Variants in IPO11 observed in about 807,000 individuals in gnomAD.
IPO11 encodes the protein importin-11.
Under a neutral mutation model 143.2 loss-of-function variants are expected in IPO11, and 66 were observed. That is an observed-to-expected ratio of 0.46 (90% CI 0.38 to 0.57). The LOEUF is 0.57. Among genes scored for constraint, IPO11 ranks in the 20% least tolerant of loss-of-function variants. The probability of loss-of-function intolerance (pLI) is 0.00; values close to 1 mark genes in which losing one functional copy is unlikely to be tolerated. For synonymous variants in IPO11, 385 were observed against 377.8 expected, an observed-to-expected ratio of 1.02 and a Z score of -0.22; for missense variants, 1,026 against 1,141.0, an observed-to-expected ratio of 0.90 and a Z score of 1.45.
intron 13 of IPO11, 73 bp downstream of exon 13, chr5:62,487,934 CA>C (rs1036382513): frequency 1.0e-5 from 13 of 1,248,570 alleles, no homozygotes; most frequent in Non-Finnish European, 1.5e-5. Flanking sequence ...TGAGTGCCTA[CA>C]ATGCATACTG....
chr5:62,538,654 T>C (rs574543194), intron 24 of IPO11, among the ~76,000 whole-genome samples: 20 of 152,346 alleles, frequency 1.3e-4, no homozygotes, highest in Non-Finnish European at 2.5e-4. Context: ...TAAACCTCTT[T>C]CCTTTATAAA....
At chr5:62,546,654 TTAAAC>T (rs1232262489) in intron 24 of IPO11, among the ~76,000 whole-genome samples, 12 of 152,214 alleles carry the variant, frequency 7.9e-5, no homozygotes, top group African/African-American at 2.2e-4. Flanking sequence ...GGGAATGGGT[TTAAAC>T]TAAAGTGCAA....
intron 29 of IPO11, among the ~76,000 whole-genome samples, chr5:62,603,501 G>C (rs895946370): frequency 1.3e-5 from 2 of 152,198 alleles, no homozygotes; most frequent in Admixed American, 1.3e-4. Flanking sequence ...CACTTATTCT[G>C]CTTTACGGTA....
At chr5:62,413,185 C>T (rs939742501) in intron 1 of IPO11, among the ~76,000 whole-genome samples, 1 of 152,156 alleles carries the variant, frequency 6.6e-6, no homozygotes, top group African/African-American at 2.4e-5. Context: ...GGACCGTATG[C>T]TAGGCTGAGC....
chr5:62,428,972 G>A (rs1189102803), intron 1 of IPO11, among the ~76,000 whole-genome samples: 1 of 152,094 alleles, frequency 6.6e-6, no homozygotes, highest in African/African-American at 2.4e-5. Context: ...GCCATCTCTT[G>A]TGGATTTTGA....
At chr5:62,558,586 A>G (rs1311575298) in intron 26 of IPO11, among the ~76,000 whole-genome samples, 2 of 152,242 alleles carry the variant, frequency 1.3e-5, no homozygotes, top group Non-Finnish European at 2.9e-5. Context: ...TGGCAAAAGT[A>G]AAGAATTTTT....
intron 2 of IPO11, 36 bp from the exon 3 acceptor site, chr5:62,442,947 C>T: frequency 1.7e-6 from 2 of 1,167,126 alleles, no homozygotes; most frequent in South Asian, 2.7e-5. Context: ...TTTACTTATT[C>T]CATGCTAATT....
At chr5:62,473,195 G>T (rs1460353398) in intron 7 of IPO11, among the ~76,000 whole-genome samples, 1 of 152,020 alleles carries the variant, frequency 6.6e-6, no homozygotes, top group Non-Finnish European at 1.5e-5. Context: ...TTTTTAAATT[G>T]TGTTGCCAAT....
chr5:62,478,177 A>G (rs1259363606), intron 9 of IPO11, among the ~76,000 whole-genome samples: 1 of 151,634 alleles, frequency 6.6e-6, no homozygotes, highest in Non-Finnish European at 1.5e-5. Flanking sequence ...GTGTGTGTGT[A>G]TTTTCTGAGA....
intron 1 of IPO11, among the ~76,000 whole-genome samples, chr5:62,423,357 G>C (rs936478940): frequency 6.6e-6 from 1 of 152,092 alleles, no homozygotes; most frequent in Non-Finnish European, 1.5e-5. Flanking sequence ...GGCATTTATA[G>C]ATGAGTAAAA....
intron 27 of IPO11, among the ~76,000 whole-genome samples, chr5:62,563,554 C>CTTT (rs1743841577): frequency 1.3e-5 from 2 of 152,016 alleles, no homozygotes; most frequent in African/African-American, 4.8e-5. Flanking sequence ...TATCCTTTAT[C>CTTT]TAAAATGTTT....
chr5:62,555,775 T>C (rs372230381), intron 26 of IPO11, among the ~76,000 whole-genome samples: 1 of 152,020 alleles, frequency 6.6e-6, no homozygotes, highest in East Asian at 1.9e-4. Context: ...TGTGTTGGGG[T>C]TACAGGCATG....
intron 4 of IPO11, among the ~76,000 whole-genome samples, chr5:62,451,389 T>C (rs748506263): frequency 2.2e-4 from 33 of 152,204 alleles, no homozygotes; most frequent in Non-Finnish European, 3.8e-4. Flanking sequence ...AAAGGTGGCA[T>C]TGGCTTGCAT....
At chr5:62,588,394 G>C (rs755164738) in intron 27 of IPO11, among the ~76,000 whole-genome samples, 51 of 151,946 alleles carry the variant, frequency 3.4e-4, no homozygotes, top group Non-Finnish European at 6.3e-4. Context: ...ACTGCCCCCA[G>C]CTAATTTTCT....
chr5:62,580,476 GC>G, intron 27 of IPO11: 4 of 1,551,374 alleles, frequency 2.6e-6, no homozygotes, highest in Non-Finnish European at 3.5e-6. Context: ...GGGTCCTTAA[GC>G]CGTTGTCTTC....
intron 27 of IPO11, among the ~76,000 whole-genome samples, chr5:62,584,209 A>C (rs542005058): frequency 6.6e-6 from 1 of 152,100 alleles, no homozygotes; most frequent in Admixed American, 6.6e-5. Flanking sequence ...CTTACTCTCA[A>C]CCTCTTCCTG....
At chr5:62,513,851 A>C (rs1320890204) in intron 19 of IPO11, among the ~76,000 whole-genome samples, 132 of 137,682 alleles carry the variant, frequency 9.6e-4, no homozygotes, top group African/African-American at 3.0e-3. Context: ...GGTTGCCAGG[A>C]GGAGGGTCTC....
chr5:62,607,910 G>A (rs191543154), intron 29 of IPO11, among the ~76,000 whole-genome samples: 26 of 151,408 alleles, frequency 1.7e-4, no homozygotes, highest in African/African-American at 6.1e-4. Context: ...TCTGCCTCCC[G>A]GGTTCAAGCG....
At chr5:62,418,922 C>T in intron 1 of IPO11, 1 of 1,421,848 alleles carries the variant, frequency 7.0e-7, no homozygotes, top group Non-Finnish European at 9.4e-7. Flanking sequence ...ATAGAAGATA[C>T]AGTCACGAGT....
Sources: allele counts gnomAD v4.1 joint callset (sites outside exome capture counted in the v4.1 genomes callset), GRCh38; gene constraint gnomAD v4.1.1; transcripts MANE v1.5; gene names NCBI Gene and HGNC (gene_info 2026-07-23, HGNC 2026-07-21).